NRXN3: variants seen among roughly 807,000 people sequenced by gnomAD.
NRXN3 encodes the protein neurexin 3, also known as neurexin III.
NRXN3 carries 32 observed loss-of-function variants against 137.6 expected under a neutral mutation model. The observed-to-expected ratio is 0.23, with a 90% CI of 0.18 to 0.31. The LOEUF is 0.31. Among genes scored for constraint, NRXN3 ranks in the 10% least tolerant of loss-of-function variants. NRXN3 has a pLI of 1.00. For missense variants in NRXN3, 1,574 were observed against 2,062.5 expected, an observed-to-expected ratio of 0.76 and a Z score of 4.59; for synonymous variants, 798 against 784.5, an observed-to-expected ratio of 1.02 and a Z score of -0.29.
intron 10 of NRXN3, among the ~76,000 whole-genome samples, chr14:78,918,855 A>G: frequency 6.6e-6 from 1 of 152,182 alleles, no homozygotes. Flanking sequence ...AGGTGTGTAG[A>G]GGTTACACCA....
chr14:79,150,681 C>A (rs1383257022), intron 15 of NRXN3, among the ~76,000 whole-genome samples: 1 of 147,338 alleles, frequency 6.8e-6, no homozygotes, highest in Non-Finnish European at 1.5e-5. Flanking sequence ...TACTTCTCTG[C>A]AGATACCATT....
At chr14:79,386,846 T>A (rs1323423169) in intron 15 of NRXN3, among the ~76,000 whole-genome samples, 4 of 151,622 alleles carry the variant, frequency 2.6e-5, no homozygotes, top group African/African-American at 4.8e-5. Context: ...AAACAAGCAA[T>A]GGGGAAAGGA....
chr14:78,177,766 A>G (rs987291646), intron 1 of NRXN3: 3 of 152,178 alleles, frequency 2.0e-5, no homozygotes, highest in Non-Finnish European at 4.4e-5. Flanking sequence ...TCTGAAGGAT[A>G]AAAACCTGGA....
intron 8 of NRXN3, among the ~76,000 whole-genome samples, chr14:78,778,747 TTTCC>T: frequency 1.7e-4 from 24 of 138,746 alleles, no homozygotes; most frequent in Non-Finnish European, 2.5e-4. Flanking sequence ...TCTTTCTTTC[TTTCC>T]TTCTTTCTCT....
In NRXN3 at chr14:78,234,476, A is replaced by G. The variant is rs563242723; in HGVS notation, c.-703-7915A>G. On this transcript the variant is annotated intron_variant, in intron 1 of 20. Coordinates refer to ENST00000335750, the MANE Select transcript of NRXN3 (RefSeq NM_001330195.2). ...ATGGAGTGGATAAGTGATGGGCTCA[A>G]GGTCACATAGGCATCAAGTAGCAGG... Among the ~76,000 whole-genome samples the G allele has an allele frequency of 1.8e-3, 277 of 152,226 alleles. 3 individuals carry two copies. The highest frequency in any genetic ancestry group is 3.0e-3 in the Non-Finnish European group (201 of 68,042).
chr14:79,861,653 G>A lies in NRXN3; in HGVS notation c.4405G>A (p.Val1469Met). 6.2e-7 allele frequency: 1 copy of A among 1,614,134 alleles called. No homozygotes were observed. The highest frequency in any genetic ancestry group is 8.5e-7 in the Non-Finnish European group (1 of 1,180,032). The change falls in exon 21 of 21, where the codon GTG (valine) becomes ATG (methionine). Residue 1469 changes from valine to methionine, a missense_variant. Val to Met is a conservative substitution (Grantham distance 21). Coordinates refer to ENST00000335750, the MANE Select transcript of NRXN3 (RefSeq NM_001330195.2). The surrounding 1 kb of genome is among the most constrained non-coding windows in gnomAD (Gnocchi z 5.4). ...PLITSPMFRNVPTANPTEPGI... is the reference protein window; with the variant it reads ...PLITSPMFRNMPTANPTEPGI... Reference sequence around the variant, plus strand: ...AATTACTTCCCCCATGTTCCGTAATGTGCCCACAGCAAACCCCACGGAGCC... The same window carrying A: ...AATTACTTCCCCCATGTTCCGTAATATGCCCACAGCAAACCCCACGGAGCC...
intron 20 of NRXN3, among the ~76,000 whole-genome samples, chr14:79,838,145 A>G (rs1255509037): frequency 6.6e-6 from 1 of 152,184 alleles, no homozygotes; most frequent in Admixed American, 6.6e-5. Context: ...ATGATTTTAC[A>G]AAGACAATAC....
intron 10 of NRXN3, among the ~76,000 whole-genome samples, chr14:78,868,824 A>AAAAATAAAATAAAAT (rs377747187): frequency 6.6e-6 from 1 of 151,948 alleles, no homozygotes; most frequent in Non-Finnish European, 1.5e-5. Flanking sequence ...TCCATCTCAA[A>AAAAATAAAATAAAAT]AAAATAAAAT....
At chr14:78,431,886 C>T (rs960416039) in intron 4 of NRXN3, among the ~76,000 whole-genome samples, 11 of 152,080 alleles carry the variant, frequency 7.2e-5, no homozygotes, top group Admixed American at 5.9e-4. Flanking sequence ...TTATTATCCC[C>T]ACTTTGCAGA....
intron 16 of NRXN3, among the ~76,000 whole-genome samples, chr14:79,576,571 C>T (rs7154918): frequency 0.15 from 22,137 of 152,000 alleles, 1,978 homozygotes; most frequent in African/African-American, 0.26. Context: ...AATGGGAAGA[C>T]GGGTCTATTT....
intron 16 of NRXN3, among the ~76,000 whole-genome samples, chr14:79,535,376 A>G (rs2097202280): frequency 6.6e-6 from 1 of 152,192 alleles, no homozygotes; most frequent in South Asian, 2.1e-4. Flanking sequence ...TTGTGAGTGC[A>G]AAGCATGGAT....
chr14:79,723,087 G>A (rs1444763746), intron 19 of NRXN3, among the ~76,000 whole-genome samples: 4 of 152,088 alleles, frequency 2.6e-5, no homozygotes, highest in African/African-American at 7.2e-5. Context: ...CGAAGGAATA[G>A]GAGTCTAGGA....
intron 15 of NRXN3, among the ~76,000 whole-genome samples, chr14:79,068,414 C>A (rs1359607359): frequency 6.6e-6 from 1 of 152,040 alleles, no homozygotes; most frequent in Non-Finnish European, 1.5e-5. Context: ...TGATCACATG[C>A]TGAGTCAAAG....
chr14:78,579,657 G>A (rs866768702), intron 4 of NRXN3, among the ~76,000 whole-genome samples: 6 of 152,094 alleles, frequency 3.9e-5, no homozygotes, highest in African/African-American at 9.7e-5. Flanking sequence ...TGATGGCTTC[G>A]TAGAATCAAG....
chr14:78,888,212 C>G (rs1163032454), intron 10 of NRXN3, among the ~76,000 whole-genome samples: 1 of 151,988 alleles, frequency 6.6e-6, no homozygotes, highest in Non-Finnish European at 1.5e-5. Context: ...CATTGGTGAA[C>G]AATGGGATCA....
At chr14:78,528,186 G>A (rs2096407895) in intron 4 of NRXN3, among the ~76,000 whole-genome samples, 2 of 152,348 alleles carry the variant, frequency 1.3e-5, no homozygotes, top group African/African-American at 4.8e-5. Context: ...TGAACTGAGA[G>A]AGGTTTTCAT....
rs917982265 is a variant in NRXN3 at position 79,493,416 on chromosome 14, C to T, written c.3444+26014C>T. 6.6e-5 allele frequency among the ~76,000 whole-genome samples: 10 copies of T among 152,206 alleles called. No homozygotes were observed. In the South Asian group the frequency reaches 2.1e-3, roughly 31 times the overall value. On this transcript the variant is annotated intron_variant, in intron 16 of 20. Transcript: ENST00000335750. The stretch of plus-strand genomic sequence containing the variant: ...CCCAGAACAGTGCCTACAGGAGCTA[C>T]AGTGGTGACAGTGTCTCCTTGATAG...
intron 15 of NRXN3, among the ~76,000 whole-genome samples, chr14:79,109,601 T>C (rs1022695180): frequency 6.6e-6 from 1 of 152,164 alleles, no homozygotes; most frequent in Non-Finnish European, 1.5e-5. Flanking sequence ...TGTGATAAGA[T>C]CTTACTGGCC....
chr14:79,006,109 T>G (rs1308751148), intron 15 of NRXN3, among the ~76,000 whole-genome samples: 1 of 116,320 alleles, frequency 8.6e-6, no homozygotes, highest in Admixed American at 7.4e-5. Context: ...TTAGAAAGAT[T>G]CCTCCTGGCA....
Sources: gnomAD v4.1 joint callset for allele counts (sites outside exome capture counted in the v4.1 genomes callset) on GRCh38, gnomAD v4.1.1 for gene constraint, Gnocchi (gnomAD v3.1) non-coding constraint, MANE v1.5 for transcripts, NCBI Gene and HGNC (gene_info 2026-07-23, HGNC 2026-07-21) for gene names.